The following NDUFB3 variants were observed in gnomAD, a reference collection of about 807,000 sequenced individuals.
NDUFB3 encodes NADH:ubiquinone oxidoreductase subunit B3.
NDUFB3 carries 7 observed loss-of-function variants against 9.0 expected under a neutral mutation model. That is an observed-to-expected ratio of 0.78 (90% CI 0.44 to 1.46). The LOEUF (loss-of-function observed/expected upper bound fraction) is 1.46, where lower values mean the gene tolerates loss of function less well. Ranked by LOEUF, NDUFB3 falls within the 40% of genes most tolerant of loss-of-function variation. NDUFB3 has a pLI of 0.01. For missense variants in NDUFB3, 93 were observed against 115.4 expected (o/e 0.81, Z 0.89); for synonymous variants, 29 against 38.5 (o/e 0.75, Z 0.91).
At chr2:201,081,928 G>T (rs926823166) in intron 2 of NDUFB3, among the ~76,000 whole-genome samples, 2 of 151,240 alleles carry the variant, frequency 1.3e-5, no homozygotes, top group African/African-American at 4.9e-5. Flanking sequence ...CCATTCTCCT[G>T]CCTCAGCCTC....
intron 2 of NDUFB3, among the ~76,000 whole-genome samples, chr2:201,082,920 A>G (rs2047245427): frequency 1.3e-5 from 2 of 150,742 alleles, no homozygotes; most frequent in South Asian, 4.2e-4. Flanking sequence ...TCACCTTGTT[A>G]GCCAGGATGG....
At chr2:201,075,266 C>A (rs1019596900) in intron 1 of NDUFB3, among the ~76,000 whole-genome samples, 5 of 151,392 alleles carry the variant, frequency 3.3e-5, no homozygotes, top group Admixed American at 2.6e-4. Flanking sequence ...TTTGAAAAGT[C>A]ATTTATATGT....
chr2:201,080,405 C>CA (rs1442037185), intron 2 of NDUFB3, among the ~76,000 whole-genome samples: 1 of 151,910 alleles, frequency 6.6e-6, no homozygotes, highest in Admixed American at 6.6e-5. Flanking sequence ...TTTGTCTCTA[C>CA]AAAAAAATTT....
chr2:201,079,053 G>A (rs1183198490), intron 2 of NDUFB3, 31 bp downstream of exon 2: 3 of 1,579,968 alleles, frequency 1.9e-6, no homozygotes, highest in Non-Finnish European at 2.6e-6. Context: ...TAGATAGAAT[G>A]TATCCTAGAG....
chr2:201,075,072 G>A (rs1298504944), intron 1 of NDUFB3, among the ~76,000 whole-genome samples: 2 of 151,636 alleles, frequency 1.3e-5, no homozygotes, highest in South Asian at 2.1e-4. Flanking sequence ...TGGGCCAGGT[G>A]CCATGGCTCA....
chr2:201,082,563 C>A (rs557740225), intron 2 of NDUFB3, among the ~76,000 whole-genome samples: 38 of 152,054 alleles, frequency 2.5e-4, no homozygotes, highest in Non-Finnish European at 4.6e-4. Context: ...CAGCACCCAG[C>A]TTGAATTATT....
chr2:201,072,112 C>G (rs189730784), intron 1 of NDUFB3, 53 bp downstream of exon 1: 9 of 152,226 alleles, frequency 5.9e-5, no homozygotes, highest in Admixed American at 4.6e-4. Flanking sequence ...GAGCTAGACT[C>G]TATTCTGGGG....
Position 201,083,145 on chromosome 2 carries a change from C to T in NDUFB3, c.141-2314C>T, listed in dbSNP as rs7565481. Among the ~76,000 whole-genome samples, 1,000 of 152,050 alleles carry T rather than the reference C, an allele frequency of 6.6e-3. 13 individuals carry two copies. The highest frequency in any genetic ancestry group is 0.023 in the African/African-American group (942 of 41,488). On this transcript the variant is annotated intron_variant, in intron 2 of 2. Coordinates refer to ENST00000237889, the MANE Select transcript of NDUFB3 (RefSeq NM_002491.3). ...ATCTGTAAACTTTTTATTTCTTTTT[C>T]TTGCATTTTTGTACTGGCTAACACC...
At chr2:201,072,909 T>A (rs532705068) in intron 1 of NDUFB3, among the ~76,000 whole-genome samples, 1 of 152,196 alleles carries the variant, frequency 6.6e-6, no homozygotes, top group Non-Finnish European at 1.5e-5. Context: ...TTCAAGGGGT[T>A]GAAAATTGGT....
At chr2:201,082,194 TC>T (rs549785759) in intron 2 of NDUFB3, among the ~76,000 whole-genome samples, 14 of 152,086 alleles carry the variant, frequency 9.2e-5, no homozygotes, top group South Asian at 2.1e-4. Flanking sequence ...CCTCAAGTGA[TC>T]CGCTCGCCTC....
chr2:201,081,886 G>A (rs1303633460), intron 2 of NDUFB3, among the ~76,000 whole-genome samples: 1 of 149,124 alleles, frequency 6.7e-6, no homozygotes, highest in Non-Finnish European at 1.5e-5. Flanking sequence ...CACGATCTCC[G>A]CTCACTGCAA....
At chr2:201,080,182 T>G (rs2047207457) in intron 2 of NDUFB3, among the ~76,000 whole-genome samples, 1 of 152,204 alleles carries the variant, frequency 6.6e-6, no homozygotes, top group Non-Finnish European at 1.5e-5. Context: ...TATTTTTACA[T>G]ATGTGCATCC....
chr2:201,080,293 G>A (rs969714499), intron 2 of NDUFB3, among the ~76,000 whole-genome samples: 2 of 152,202 alleles, frequency 1.3e-5, no homozygotes, highest in African/African-American at 4.8e-5. Context: ...CACTCAATGT[G>A]GGTGGTGGCT....
chr2:201,077,451 A>G (rs922495801), intron 1 of NDUFB3, among the ~76,000 whole-genome samples: 5 of 152,200 alleles, frequency 3.3e-5, no homozygotes. Flanking sequence ...TTAAGGAAGC[A>G]AATTTATTGA....
chr2:201,079,459 G>A (rs1029113417), intron 2 of NDUFB3, among the ~76,000 whole-genome samples: 21 of 150,014 alleles, frequency 1.4e-4, no homozygotes, highest in African/African-American at 4.9e-4. Context: ...AAAGTTTTTG[G>A]TTTGTTTTGA....
chr2:201,075,418 T>G (rs1325156246), intron 1 of NDUFB3, among the ~76,000 whole-genome samples: 1 of 151,444 alleles, frequency 6.6e-6, no homozygotes. Context: ...TGCAAAAAAT[T>G]AGCCAGGCGT....
chr2:201,084,632 A>G (rs1415945324), intron 2 of NDUFB3, among the ~76,000 whole-genome samples: 1 of 152,146 alleles, frequency 6.6e-6, no homozygotes, highest in Non-Finnish European at 1.5e-5. Context: ...GCAAGACTCC[A>G]TCCGCCCCCG....
At chr2:201,073,964 A>G (rs1476336509) in intron 1 of NDUFB3, among the ~76,000 whole-genome samples, 2 of 151,850 alleles carry the variant, frequency 1.3e-5, no homozygotes, top group East Asian at 3.9e-4. Flanking sequence ...TTATTTGTAT[A>G]TTTTTTGAGA....
chr2:201,080,233 C>T (rs749583004), intron 2 of NDUFB3, among the ~76,000 whole-genome samples: 1 of 152,042 alleles, frequency 6.6e-6, no homozygotes, highest in Non-Finnish European at 1.5e-5. Context: ...ATTGTACCTC[C>T]GTTGAATTAC....
Sources: allele counts gnomAD v4.1 joint callset (sites outside exome capture counted in the v4.1 genomes callset), GRCh38; gene constraint gnomAD v4.1.1; transcripts MANE v1.5; gene names NCBI Gene and HGNC (gene_info 2026-07-23, HGNC 2026-07-21).